Variants in RAB22A observed in about 807,000 individuals in gnomAD.
RAB22A encodes RAB22A, member RAS oncogene family.
In RAB22A, 13 loss-of-function variants were observed where a neutral mutation model predicts 30.2. The ratio of observed to expected loss-of-function variants is 0.43; its 90% CI spans 0.28 to 0.68. The LOEUF is 0.68. Among genes scored for constraint, RAB22A ranks in the 30% least tolerant of loss-of-function variants. The pLI is 0.18. For missense variants in RAB22A, 177 were observed against 246.8 expected, an observed-to-expected ratio of 0.72 and a Z score of 1.89; for synonymous variants, 89 against 87.2, an observed-to-expected ratio of 1.02 and a Z score of -0.11.
At chr20:58,322,217 A>G (rs186569926) in intron 2 of RAB22A, among the ~76,000 whole-genome samples, 2 of 152,304 alleles carry the variant, frequency 1.3e-5, no homozygotes, top group Non-Finnish European at 2.9e-5. Flanking sequence ...GCTCTTTGGC[A>G]TTCTATTTGA....
In RAB22A at chr20:58,354,189, C is replaced by T. The variant is rs376414645; in HGVS notation, c.411C>T (p.Ala137=). ...EVMERDAKDY[A]DSIHAIFVET... ...TGGAGAGAGATGCAAAGGACTACGC[C>T]GACTCTATTCATGCAATTTTTGTAG... Residue 137 remains alanine, a synonymous_variant, in exon 6 of 7, where the codon GCC becomes GCT. Coordinates refer to ENST00000244040, the MANE Select transcript of RAB22A (RefSeq NM_020673.3). 38 of 1,613,504 alleles carry T rather than the reference C, an allele frequency of 2.4e-5. No homozygotes were observed. Among genetic ancestry groups the T allele is most frequent in the Middle Eastern group, 1.7e-4 (1 of 6,060 alleles).
At chr20:58,323,218 G>C (rs1473678629) in intron 2 of RAB22A, among the ~76,000 whole-genome samples, 2 of 151,872 alleles carry the variant, frequency 1.3e-5, no homozygotes, top group African/African-American at 4.8e-5. Flanking sequence ...GTTTAGTGCA[G>C]TTTTATGCTG....
intron 3 of RAB22A, among the ~76,000 whole-genome samples, chr20:58,345,017 T>C (rs543220072): frequency 8.1e-4 from 123 of 152,302 alleles, no homozygotes; most frequent in Non-Finnish European, 1.3e-3. Flanking sequence ...TAACCATCCC[T>C]CTTCTGTCCT....
chr20:58,327,425 T>A (rs999050336), intron 2 of RAB22A, among the ~76,000 whole-genome samples: 9 of 152,236 alleles, frequency 5.9e-5, no homozygotes, highest in Non-Finnish European at 7.3e-5. Context: ...CCAGCAAGGC[T>A]CACTCACATG....
intron 1 of RAB22A, 57 bp downstream of exon 1, chr20:58,310,069 C>A: frequency 8.0e-7 from 1 of 1,246,604 alleles, no homozygotes; most frequent in South Asian, 3.8e-5. Flanking sequence ...GGCGGGGACC[C>A]CGGATCCCCC....
chr20:58,326,859 A>G (rs568525388), intron 2 of RAB22A, among the ~76,000 whole-genome samples: 30 of 152,288 alleles, frequency 2.0e-4, no homozygotes, highest in African/African-American at 7.0e-4. Flanking sequence ...ACCATACTGA[A>G]TAAGTGGTGA....
At chr20:58,329,560 A>G (rs1356124054) in intron 2 of RAB22A, among the ~76,000 whole-genome samples, 1 of 151,976 alleles carries the variant, frequency 6.6e-6, no homozygotes, top group Non-Finnish European at 1.5e-5. Context: ...GTTTTCAGTA[A>G]TTTACTTTAA....
At chr20:58,335,862 C>G (rs1986741553) in intron 2 of RAB22A, among the ~76,000 whole-genome samples, 1 of 152,214 alleles carries the variant, frequency 6.6e-6, no homozygotes, top group Non-Finnish European at 1.5e-5. Flanking sequence ...CTCTCCCTTT[C>G]CCTCACCGCA....
chr20:58,359,102 G>A (rs1480222106), intron 6 of RAB22A, among the ~76,000 whole-genome samples: 2 of 152,188 alleles, frequency 1.3e-5, no homozygotes, highest in Middle Eastern at 3.2e-3. Flanking sequence ...AAGGCTACAC[G>A]AGAAATGGGC....
Position 58,309,925 on chromosome 20 carries a change from C to T in RAB22A, c.-52C>T, listed in dbSNP as rs1473351557. 2 of 1,255,452 alleles carry T rather than the reference C, an allele frequency of 1.6e-6. No individual in the cohort carries two copies. The highest frequency in any genetic ancestry group is 2.0e-6 in the Non-Finnish European group (2 of 992,356). The allele number at this position is 1,255,452 out of a possible 1,614,324, so 77.8% of individuals were successfully genotyped here. A position where few individuals can be genotyped will look rare whatever the true frequency, so the allele number is the denominator to read the frequency against. On this transcript the variant is annotated 5_prime_UTR_variant, in exon 1 of 7. Transcript: ENST00000244040. ...GGGATGCTCTTGCTGGGCCTGGCCT[C>T]TCCCTTCTCAACTTAGGGCGGCGGC...
intron 3 of RAB22A, among the ~76,000 whole-genome samples, chr20:58,350,272 G>A (rs1987024318): frequency 6.6e-6 from 1 of 152,160 alleles, no homozygotes; most frequent in African/African-American, 2.4e-5. Flanking sequence ...AAAAACAGTA[G>A]AAAAATATGG....
intron 1 of RAB22A, 120 bp from the exon 2 acceptor site, chr20:58,310,923 T>G: frequency 1.3e-6 from 1 of 788,442 alleles, no homozygotes; most frequent in South Asian, 1.5e-5. Context: ...GTTCCTCCGT[T>G]TATAAAATTT....
intron 2 of RAB22A, among the ~76,000 whole-genome samples, chr20:58,340,710 G>GA (rs1423895220): frequency 6.6e-6 from 1 of 152,056 alleles, no homozygotes; most frequent in African/African-American, 2.4e-5. Context: ...ACTTTAAAAA[G>GA]AAAAAAACAT....
chr20:58,332,105 G>A (rs1449667921), intron 2 of RAB22A, among the ~76,000 whole-genome samples: 1 of 152,144 alleles, frequency 6.6e-6, no homozygotes, highest in African/African-American at 2.4e-5. Context: ...AATCCACTAT[G>A]CTTTCCAACT....
At chr20:58,336,048 C>T (rs953807682) in intron 2 of RAB22A, among the ~76,000 whole-genome samples, 5 of 152,112 alleles carry the variant, frequency 3.3e-5, no homozygotes, top group African/African-American at 9.7e-5. Context: ...CTCGCTCTGT[C>T]GCCCAGGGTG....
At chr20:58,328,529 A>T (rs1296370214) in intron 2 of RAB22A, among the ~76,000 whole-genome samples, 1 of 152,102 alleles carries the variant, frequency 6.6e-6, no homozygotes, top group Non-Finnish European at 1.5e-5. Context: ...ATTATTTCAA[A>T]TTTTTAAAAT....
intron 1 of RAB22A, 126 bp downstream of exon 1, chr20:58,310,138 A>G (rs1479535834): frequency 9.4e-6 from 9 of 955,254 alleles, no homozygotes; most frequent in Non-Finnish European, 9.2e-6. Context: ...AGCCCCGTGG[A>G]CCCTCCCTCC....
rs1600720544 is a variant in RAB22A, at chr20:58,311,636, A to G, written c.116+514A>G. Among the ~76,000 whole-genome samples the G allele has an allele frequency of 2.6e-5, 4 of 152,306 alleles. No homozygotes were observed. In the South Asian group the frequency reaches 8.3e-4, roughly 32 times the overall value. On this transcript the variant is annotated intron_variant, in intron 2 of 6. Transcript: ENST00000244040. ...TGGATAAGTAAAGTTGATTGTTCAT[A>G]TGTTTTTGACGCTATAAGAAAACTT...
chr20:58,324,558 G>T (rs536154639), intron 2 of RAB22A, among the ~76,000 whole-genome samples: 1 of 152,000 alleles, frequency 6.6e-6, no homozygotes, highest in African/African-American at 2.4e-5. Flanking sequence ...AGTCCTCCTC[G>T]GTTGTATTCC....
Sources: gnomAD v4.1 joint callset for allele counts (sites outside exome capture counted in the v4.1 genomes callset) on GRCh38, gnomAD v4.1.1 for gene constraint, MANE v1.5 for transcripts, NCBI Gene and HGNC (gene_info 2026-07-23, HGNC 2026-07-21) for gene names.